Variants in HCN1 observed in about 807,000 individuals in gnomAD.
HCN1 encodes the protein hyperpolarization activated cyclic nucleotide gated potassium channel 1.
Under a neutral mutation model 78.9 loss-of-function variants are expected in HCN1, and 13 were observed. The ratio of observed to expected loss-of-function variants is 0.16; its 90% CI spans 0.11 to 0.26. The LOEUF is 0.26. Ranked by LOEUF, HCN1 falls within the 10% of genes least tolerant of loss-of-function variation. The pLI is 1.00. For missense variants in HCN1, 810 were observed against 1,154.3 expected (o/e 0.70, Z 4.32); for synonymous variants, 552 against 455.5 (o/e 1.21, Z -2.70).
chr5:45,556,432 G>A (rs1177294843), intron 2 of HCN1, among the ~76,000 whole-genome samples: 2 of 151,886 alleles, frequency 1.3e-5, no homozygotes, highest in African/African-American at 4.8e-5. Flanking sequence ...ATAACTTGAA[G>A]TCCTTTTCTA....
chr5:45,551,703 T>A (rs1743374348), intron 2 of HCN1, among the ~76,000 whole-genome samples: 1 of 151,994 alleles, frequency 6.6e-6, no homozygotes, highest in South Asian at 2.1e-4. Context: ...CCAACAATTA[T>A]CTTTCTGGTG....
At chr5:45,650,198 T>A (rs1200271222) in intron 1 of HCN1, among the ~76,000 whole-genome samples, 2 of 152,108 alleles carry the variant, frequency 1.3e-5, no homozygotes, top group South Asian at 2.1e-4. Flanking sequence ...ACTTTCATTT[T>A]TTTCTACTAC....
chr5:45,632,528 C>T (rs573026595), intron 2 of HCN1, among the ~76,000 whole-genome samples: 1 of 151,854 alleles, frequency 6.6e-6, no homozygotes, highest in Non-Finnish European at 1.5e-5. Context: ...AATTGATTTC[C>T]TAAGAGTACG....
At chr5:45,577,289 G>T (rs534257538) in intron 2 of HCN1, among the ~76,000 whole-genome samples, 1 of 152,118 alleles carries the variant, frequency 6.6e-6, no homozygotes, top group African/African-American at 2.4e-5. Flanking sequence ...AGAACAAGAC[G>T]AAAATCTTCT....
intron 5 of HCN1, among the ~76,000 whole-genome samples, chr5:45,315,304 C>G (rs541047560): frequency 6.6e-6 from 1 of 152,270 alleles, no homozygotes; most frequent in East Asian, 1.9e-4. Flanking sequence ...CAACCTGCTC[C>G]TGAATGACTA....
chr5:45,548,679 T>A (rs368056722), intron 2 of HCN1, among the ~76,000 whole-genome samples: 1 of 152,070 alleles, frequency 6.6e-6, no homozygotes, highest in Non-Finnish European at 1.5e-5. Flanking sequence ...TAAAGGGTAT[T>A]CAACTAGGAA....
intron 2 of HCN1, among the ~76,000 whole-genome samples, chr5:45,500,443 T>C (rs1276739666): frequency 6.6e-6 from 1 of 152,206 alleles, no homozygotes; most frequent in Non-Finnish European, 1.5e-5. Context: ...GTCCTGGTCA[T>C]AGAAACAAGT....
intron 1 of HCN1, among the ~76,000 whole-genome samples, chr5:45,691,138 T>TGA (rs1349966516): frequency 6.6e-6 from 1 of 152,090 alleles, no homozygotes. Context: ...TGAATATAAT[T>TGA]TTCTTAAATG....
At chr5:45,434,838 T>C (rs1242118005) in intron 3 of HCN1, among the ~76,000 whole-genome samples, 1 of 152,036 alleles carries the variant, frequency 6.6e-6, no homozygotes, top group Non-Finnish European at 1.5e-5. Flanking sequence ...TAGAGAATAA[T>C]CAAAGTGAAG....
chr5:45,386,220 T>C (rs939441750), intron 4 of HCN1, among the ~76,000 whole-genome samples: 1 of 149,314 alleles, frequency 6.7e-6, no homozygotes, highest in African/African-American at 2.5e-5. Context: ...GTGTCTCCCA[T>C]GCTGGAGTTC....
chr5:45,373,405 A>G (rs1390606754), intron 4 of HCN1, among the ~76,000 whole-genome samples: 2 of 133,538 alleles, frequency 1.5e-5, no homozygotes, highest in African/African-American at 2.7e-5. Flanking sequence ...TATATTATAT[A>G]AAATATATTA....
intron 2 of HCN1, among the ~76,000 whole-genome samples, chr5:45,582,581 G>T (rs1300694205): frequency 6.6e-6 from 1 of 152,106 alleles, no homozygotes; most frequent in Non-Finnish European, 1.5e-5. Flanking sequence ...GTGAGAGAGG[G>T]CATCCCTGTC....
At chr5:45,530,539 G>T (rs1278402299) in intron 2 of HCN1, among the ~76,000 whole-genome samples, 2 of 151,410 alleles carry the variant, frequency 1.3e-5, no homozygotes, top group Non-Finnish European at 2.9e-5. Flanking sequence ...ATGTTTCATA[G>T]TTACAGAATC....
At chr5:45,493,520 T>G (rs762300103) in intron 2 of HCN1, among the ~76,000 whole-genome samples, 35 of 152,228 alleles carry the variant, frequency 2.3e-4, no homozygotes, top group African/African-American at 8.4e-4. Context: ...TTCCTTTTTG[T>G]GTCTATGTTT....
At chr5:45,687,801 AT>A (rs1349043408) in intron 1 of HCN1, among the ~76,000 whole-genome samples, 2 of 152,214 alleles carry the variant, frequency 1.3e-5, no homozygotes, top group East Asian at 1.9e-4. Flanking sequence ...ACATGCGGGA[AT>A]TTTTGCAGAG....
At chr5:45,620,800 A>T (rs1745045447) in intron 2 of HCN1, among the ~76,000 whole-genome samples, 1 of 152,162 alleles carries the variant, frequency 6.6e-6, no homozygotes, top group Non-Finnish European at 1.5e-5. Flanking sequence ...CAGTCCCTGT[A>T]TCTGACAAGT....
chr5:45,561,788 C>A (rs1488623160), intron 2 of HCN1, among the ~76,000 whole-genome samples: 1 of 152,030 alleles, frequency 6.6e-6, no homozygotes, highest in Non-Finnish European at 1.5e-5. Flanking sequence ...AGATTGAGTT[C>A]AATCACATGT....
rs1423370554 is a variant in HCN1, at chr5:45,494,407, A to G, written c.850-32400T>C. 3.9e-5 allele frequency among the ~76,000 whole-genome samples: 6 copies of G among 152,186 alleles called. No homozygotes were observed. In the South Asian group the frequency reaches 1.0e-3, roughly 26 times the overall value. On this transcript the variant is annotated intron_variant, in intron 2 of 7. Transcript: ENST00000303230. ...GCTGCATAAATGTCTTCTTTTGAGAAGTGTCTGTTCATGTCCTTCGCCCAC... is the reference window on the plus strand; with the variant it reads ...GCTGCATAAATGTCTTCTTTTGAGAGGTGTCTGTTCATGTCCTTCGCCCAC...
chr5:45,313,079 C>T (rs1033026876), intron 5 of HCN1, among the ~76,000 whole-genome samples: 1 of 152,156 alleles, frequency 6.6e-6, no homozygotes, highest in Non-Finnish European at 1.5e-5. Context: ...TCAAGTGGGT[C>T]CTTGACCCCC....
Sources: gnomAD v4.1 joint callset for allele counts (sites outside exome capture counted in the v4.1 genomes callset) on GRCh38, gnomAD v4.1.1 for gene constraint, MANE v1.5 for transcripts, NCBI Gene and HGNC (gene_info 2026-07-23, HGNC 2026-07-21) for gene names.